SLC12A8: variants seen among roughly 807,000 people sequenced by gnomAD.
SLC12A8 encodes the protein solute carrier family 12 member 8, also known as cation-chloride cotransporter 9.
SLC12A8 carries 69 observed loss-of-function variants against 75.6 expected under a neutral mutation model. The observed-to-expected ratio is 0.91, with a 90% CI of 0.75 to 1.11. The LOEUF is 1.11. Ranked by LOEUF, SLC12A8 falls within the 50% of genes most tolerant of loss-of-function variation. The pLI is 0.00. For missense variants in SLC12A8, 877 were observed against 896.7 expected (o/e 0.98, Z 0.28); for synonymous variants, 365 against 372.8 (o/e 0.98, Z 0.24).
chr3:125,115,183 A>T lies in SLC12A8; in HGVS notation c.912+3586T>A, dbSNP rs564418970. 5.3e-5 allele frequency among the ~76,000 whole-genome samples: 8 copies of T among 152,294 alleles called. No homozygotes were observed. In the East Asian group the frequency reaches 1.5e-3, roughly 29 times the overall value. ...ATACAAGATGTTTAAGAACACACAT[A>T]CACCTGAGAGCTGGGAGAAAGTTCC... On this transcript the variant is annotated intron_variant, in intron 8 of 13. Transcript: ENST00000469902.
At chr3:125,108,841 T>C (rs1447596799) in intron 9 of SLC12A8, among the ~76,000 whole-genome samples, 3 of 152,188 alleles carry the variant, frequency 2.0e-5, no homozygotes, top group Non-Finnish European at 4.4e-5. Context: ...CACTGGTGGC[T>C]GGAGGAGGGG....
chr3:125,102,654 A>G (rs973910899), intron 10 of SLC12A8, among the ~76,000 whole-genome samples: 4 of 152,134 alleles, frequency 2.6e-5, no homozygotes, highest in African/African-American at 9.7e-5. Flanking sequence ...CACCTATGAC[A>G]TTTCTAAGAC....
At chr3:125,191,298 C>G (rs988486053) in intron 2 of SLC12A8, among the ~76,000 whole-genome samples, 1 of 152,168 alleles carries the variant, frequency 6.6e-6, no homozygotes, top group Non-Finnish European at 1.5e-5. Context: ...TATAAACACT[C>G]AAATGGAAAC....
At chr3:125,208,908 C>T (rs1935284859) in intron 2 of SLC12A8, among the ~76,000 whole-genome samples, 1 of 152,084 alleles carries the variant, frequency 6.6e-6, no homozygotes, top group Non-Finnish European at 1.5e-5. Context: ...AGTGTCCCCA[C>T]CCTTGCCAAA....
intron 5 of SLC12A8, among the ~76,000 whole-genome samples, chr3:125,173,949 G>A (rs550829014): frequency 9.2e-5 from 14 of 151,898 alleles, no homozygotes; most frequent in South Asian, 6.2e-4. Flanking sequence ...AAAATTAGTC[G>A]GGCGTGGTGG....
chr3:125,139,535 A>G (rs1048606451), intron 5 of SLC12A8, among the ~76,000 whole-genome samples: 7 of 151,982 alleles, frequency 4.6e-5, no homozygotes, highest in Non-Finnish European at 8.8e-5. Context: ...CCAGTCCCCA[A>G]AGAGTCTTGC....
intron 4 of SLC12A8, among the ~76,000 whole-genome samples, chr3:125,178,913 T>C (rs1297787367): frequency 6.6e-6 from 1 of 152,210 alleles, no homozygotes; most frequent in Non-Finnish European, 1.5e-5. Flanking sequence ...TGAAATGAAA[T>C]CCTTGGCACA....
chr3:125,110,052 T>G, intron 9 of SLC12A8, 137 bp downstream of exon 9: 1 of 938,556 alleles, frequency 1.1e-6, no homozygotes, highest in African/African-American at 1.6e-5. Flanking sequence ...AAATGACCTC[T>G]GCATTATTTT....
chr3:125,169,104 C>G (rs1268233215), intron 5 of SLC12A8, among the ~76,000 whole-genome samples: 1 of 152,162 alleles, frequency 6.6e-6, no homozygotes, highest in Non-Finnish European at 1.5e-5. Flanking sequence ...TGCCACATGT[C>G]ACTTTATTTT....
At chr3:125,122,841 GA>G (rs2107752416) in intron 6 of SLC12A8, among the ~76,000 whole-genome samples, 2 of 152,184 alleles carry the variant, frequency 1.3e-5, no homozygotes, top group African/African-American at 4.8e-5. Context: ...ACCCAGGCTG[GA>G]AGAAACATAA....
At chr3:125,127,412 T>C (rs9868033) in intron 6 of SLC12A8, among the ~76,000 whole-genome samples, 12,930 of 152,228 alleles carry the variant, frequency 0.085, 1,513 homozygotes, top group African/African-American at 0.26. Flanking sequence ...TCTCTCTTTA[T>C]GGGAAGCAAC....
intron 2 of SLC12A8, among the ~76,000 whole-genome samples, chr3:125,203,746 A>G (rs79434259): frequency 0.042 from 6,367 of 152,294 alleles, 294 homozygotes; most frequent in African/African-American, 0.12. Context: ...ATGGGGTCAT[A>G]TTGATCTAAA....
Position 125,173,469 on chromosome 3 carries a change from A to C in SLC12A8, c.622+4274T>G, listed in dbSNP as rs1269221809. Among the ~76,000 whole-genome samples the C allele has an allele frequency of 4.6e-5, 7 of 151,262 alleles. No homozygotes were observed. In the East Asian group the frequency reaches 1.3e-3, roughly 29 times the overall value. On this transcript the variant is annotated intron_variant, in intron 5 of 13. Coordinates refer to ENST00000469902, the MANE Select transcript of SLC12A8 (RefSeq NM_024628.6). ...TCATGAGCCAAAAAAAAAAAAAAAA[A>C]AAAAAACCAAAATAACCTGGACACT...
intron 1 of SLC12A8, among the ~76,000 whole-genome samples, chr3:125,212,138 T>G (rs651490): frequency 0.65 from 97,746 of 151,296 alleles, 33,751 homozygotes; most frequent in African/African-American, 0.9. Flanking sequence ...AGAGCTGATC[T>G]TCCTGGGAAG....
chr3:125,128,625 T>C (rs1487467456), intron 6 of SLC12A8, among the ~76,000 whole-genome samples: 3 of 152,032 alleles, frequency 2.0e-5, no homozygotes. Flanking sequence ...GACTACAGGC[T>C]TGAGCCACTG....
At chr3:125,162,611 C>T (rs1029104045) in intron 5 of SLC12A8, among the ~76,000 whole-genome samples, 1 of 152,206 alleles carries the variant, frequency 6.6e-6, no homozygotes, top group African/African-American at 2.4e-5. Flanking sequence ...TTTCTTGTCA[C>T]AGCCAAGTGG....
chr3:125,160,667 A>G (rs894450620), intron 5 of SLC12A8, among the ~76,000 whole-genome samples: 2 of 152,228 alleles, frequency 1.3e-5, no homozygotes, highest in African/African-American at 4.8e-5. Flanking sequence ...CAGGATTAAG[A>G]CATGGATCCC....
At chr3:125,167,158 T>C (rs1304645458) in intron 5 of SLC12A8, among the ~76,000 whole-genome samples, 1 of 152,130 alleles carries the variant, frequency 6.6e-6, no homozygotes, top group Non-Finnish European at 1.5e-5. Context: ...AAAACTTTTT[T>C]TTTTTTTTGG....
chr3:125,187,920 G>A (rs1350247005), intron 3 of SLC12A8, among the ~76,000 whole-genome samples: 2 of 152,174 alleles, frequency 1.3e-5, no homozygotes, highest in Non-Finnish European at 2.9e-5. Context: ...CAGTGCCAGG[G>A]CTTAGTACTT....
Sources: allele counts gnomAD v4.1 joint callset (sites outside exome capture counted in the v4.1 genomes callset), GRCh38; gene constraint gnomAD v4.1.1; transcripts MANE v1.5; gene names NCBI Gene and HGNC (gene_info 2026-07-23, HGNC 2026-07-21).